Variants in MBD5 observed in about 807,000 individuals in gnomAD.
The protein encoded by MBD5 is methyl-CpG-binding domain protein 5.
In MBD5, 13 loss-of-function variants were observed where a neutral mutation model predicts 117.3. The observed-to-expected ratio is 0.11, with a 90% confidence interval of 0.07 to 0.18. The LOEUF (loss-of-function observed/expected upper bound fraction) is 0.18, where lower values mean the gene tolerates loss of function less well. Among genes scored for constraint, MBD5 ranks in the 10% least tolerant of loss-of-function variants. The probability of loss-of-function intolerance (pLI) is 1.00; values close to 1 mark genes in which losing one functional copy is unlikely to be tolerated. For missense variants in MBD5, 1,879 were observed against 2,093.8 expected, an observed-to-expected ratio of 0.90 and a Z score of 2.00; for synonymous variants, 727 against 766.4, an observed-to-expected ratio of 0.95 and a Z score of 0.85.
intron 1 of MBD5, among the ~76,000 whole-genome samples, chr2:148,173,032 C>T (rs1014194349): frequency 5.3e-5 from 8 of 152,170 alleles, no homozygotes; most frequent in African/African-American, 1.9e-4. Context: ...TCCAGTTGTT[C>T]GCGTACCTCA....
intron 1 of MBD5, among the ~76,000 whole-genome samples, chr2:148,069,127 A>G (rs1406278089): frequency 6.6e-6 from 1 of 152,168 alleles, no homozygotes; most frequent in Non-Finnish European, 1.5e-5. Flanking sequence ...TGATTCCCTT[A>G]CTCAGAGATA....
At chr2:148,022,115 G>A (rs1047740558) in intron 1 of MBD5, among the ~76,000 whole-genome samples, 1 of 152,132 alleles carries the variant, frequency 6.6e-6, no homozygotes, top group Non-Finnish European at 1.5e-5. Flanking sequence ...GGAAAATGTC[G>A]GGATCTGGAT....
At chr2:148,354,099 A>C (rs540736263) in intron 4 of MBD5, among the ~76,000 whole-genome samples, 33 of 152,200 alleles carry the variant, frequency 2.2e-4, no homozygotes, top group African/African-American at 7.7e-4. Flanking sequence ...CTTTTAAAAA[A>C]ATTTTTTTAT....
At chr2:148,465,931 C>T (rs749643861) in intron 7 of MBD5, among the ~76,000 whole-genome samples, 11 of 152,016 alleles carry the variant, frequency 7.2e-5, no homozygotes, top group Admixed American at 6.6e-5. Flanking sequence ...TCTAAAGACC[C>T]TGGCAGAATC....
intron 3 of MBD5, among the ~76,000 whole-genome samples, chr2:148,237,174 A>G (rs899459354): frequency 5.9e-5 from 9 of 152,232 alleles, no homozygotes; most frequent in Non-Finnish European, 1.0e-4. Context: ...TGTCTGTATC[A>G]GCAACAAGGC....
intron 3 of MBD5, among the ~76,000 whole-genome samples, chr2:148,269,838 A>T (rs1389744668): frequency 6.6e-6 from 1 of 151,764 alleles, no homozygotes; most frequent in Non-Finnish European, 1.5e-5. Flanking sequence ...GTTGAATGTC[A>T]ACCCTTTAGA....
intron 1 of MBD5, among the ~76,000 whole-genome samples, chr2:148,076,265 T>G (rs1695507505): frequency 6.6e-6 from 1 of 152,100 alleles, no homozygotes; most frequent in South Asian, 2.1e-4. Flanking sequence ...AATATTGGTT[T>G]TAAAAAAGGC....
At chr2:148,025,491 C>A (rs1217243419) in intron 1 of MBD5, 1 of 151,158 alleles carries the variant, frequency 6.6e-6, no homozygotes, top group Non-Finnish European at 1.5e-5. Context: ...TTATTGCTAA[C>A]CGTAATTCTT....
chr2:148,389,129 T>C (rs138401900), intron 4 of MBD5, among the ~76,000 whole-genome samples: 410 of 149,828 alleles, frequency 2.7e-3, no homozygotes, highest in Non-Finnish European at 3.7e-3. Flanking sequence ...TCCTGCTCCA[T>C]CCATGTTGCT....
chr2:148,175,057 A>G (rs561121602), intron 1 of MBD5, among the ~76,000 whole-genome samples: 7 of 152,170 alleles, frequency 4.6e-5, no homozygotes, highest in Non-Finnish European at 5.9e-5. Flanking sequence ...AAGATGATGA[A>G]TGGATAAAAA....
At chr2:148,417,288 C>CTTTTTT (rs745409695) in intron 4 of MBD5, among the ~76,000 whole-genome samples, 5 of 91,802 alleles carry the variant, frequency 5.4e-5, no homozygotes, top group African/African-American at 1.3e-4. Flanking sequence ...ATGCACAGCT[C>CTTTTTT]TTTTTTTTTT....
At chr2:148,248,041 A>G (rs1470304315) in intron 3 of MBD5, among the ~76,000 whole-genome samples, 1 of 152,168 alleles carries the variant, frequency 6.6e-6, no homozygotes, top group Non-Finnish European at 1.5e-5. Flanking sequence ...GTAAGCCTTA[A>G]GGATACTTGC....
intron 1 of MBD5, among the ~76,000 whole-genome samples, chr2:148,144,708 C>A (rs1023876928): frequency 9.2e-5 from 14 of 152,252 alleles, no homozygotes; most frequent in Admixed American, 9.2e-4. Flanking sequence ...ATAAGGAATC[C>A]TTTCCCCATT....
chr2:148,097,451 ATAT>A (rs1347549637), intron 1 of MBD5, among the ~76,000 whole-genome samples: 1 of 152,222 alleles, frequency 6.6e-6, no homozygotes, highest in Non-Finnish European at 1.5e-5. Context: ...CTGAAGCCAT[ATAT>A]TATTAGTAAG....
chr2:148,484,225 A>T, intron 9 of MBD5, 90 bp downstream of exon 9: 1 of 1,146,502 alleles, frequency 8.7e-7, no homozygotes. Flanking sequence ...TTGTCACACT[A>T]TTTTTAAAAA....
intron 2 of MBD5, among the ~76,000 whole-genome samples, chr2:148,208,039 A>G (rs1558972958): frequency 6.6e-6 from 1 of 152,136 alleles, no homozygotes; most frequent in Non-Finnish European, 1.5e-5. Flanking sequence ...CAGTGGGTCC[A>G]GTGTGTTGGC....
At chr2:148,192,623 C>T (rs1441641376) in intron 2 of MBD5, among the ~76,000 whole-genome samples, 1 of 130,864 alleles carries the variant, frequency 7.6e-6, no homozygotes, top group East Asian at 2.3e-4. Flanking sequence ...ATAATAAGAG[C>T]TATCTATGAC....
At chr2:148,197,818 G>GTTTTTTTTTTTTTTTT (rs11389519) in intron 2 of MBD5, among the ~76,000 whole-genome samples, 2 of 103,556 alleles carry the variant, frequency 1.9e-5, no homozygotes, top group African/African-American at 7.7e-5. Flanking sequence ...TTTTTTTTTT[G>GTTTTTTTTTTTTTTTT]TTTTTTTTTT....
At chr2:148,477,967 T>C (rs768923200) in intron 8 of MBD5, among the ~76,000 whole-genome samples, 1 of 152,176 alleles carries the variant, frequency 6.6e-6, no homozygotes, top group Non-Finnish European at 1.5e-5. Flanking sequence ...AAATACTTCA[T>C]TGGTCTCTTT....
Sources: allele counts gnomAD v4.1 joint callset (sites outside exome capture counted in the v4.1 genomes callset), GRCh38; gene constraint gnomAD v4.1.1; transcripts MANE v1.5; gene names NCBI Gene and HGNC (gene_info 2026-07-23, HGNC 2026-07-21).